COL19A1: variants seen among roughly 807,000 people sequenced by gnomAD.
COL19A1 encodes the protein collagen alpha-1(XIX) chain.
In COL19A1, 159 loss-of-function variants were observed where a neutral mutation model predicts 190.2. That is an observed-to-expected ratio of 0.84 (90% confidence interval 0.73 to 0.95). The LOEUF is 0.95. Among genes scored for constraint, COL19A1 ranks in the 40% least tolerant of loss-of-function variants. The pLI, the probability that COL19A1 is intolerant of heterozygous loss-of-function variation, is 0.00. For missense variants in COL19A1, 1,418 were observed against 1,431.9 expected (o/e 0.99, Z 0.16); for synonymous variants, 509 against 458.9 (o/e 1.11, Z -1.39).
At chr6:70,091,100 A>T (rs1562163314) in intron 15 of COL19A1, among the ~76,000 whole-genome samples, 1 of 152,082 alleles carries the variant, frequency 6.6e-6, no homozygotes, top group Non-Finnish European at 1.5e-5. Context: ...ATTTCCTATC[A>T]CTATCCAAAA....
intron 9 of COL19A1, among the ~76,000 whole-genome samples, chr6:69,954,517 C>T (rs575066458): frequency 2.0e-5 from 3 of 152,142 alleles, no homozygotes; most frequent in South Asian, 2.1e-4. Flanking sequence ...GAAAGTCCTT[C>T]GTACTTTCTA....
intron 34 of COL19A1, among the ~76,000 whole-genome samples, chr6:70,160,250 C>G (rs564637766): frequency 6.6e-6 from 1 of 152,016 alleles, no homozygotes; most frequent in Admixed American, 6.6e-5. Context: ...AGCACCTTTA[C>G]GAGGCAGCAG....
intron 19 of COL19A1, among the ~76,000 whole-genome samples, chr6:70,138,771 G>C (rs140857870): frequency 6.6e-6 from 1 of 152,110 alleles, no homozygotes; most frequent in Non-Finnish European, 1.5e-5. Flanking sequence ...TTCAGGAGTC[G>C]TGCTTGCCCT....
At chr6:70,103,623 A>G (rs912518608) in intron 16 of COL19A1, among the ~76,000 whole-genome samples, 13 of 152,138 alleles carry the variant, frequency 8.5e-5, no homozygotes, top group Admixed American at 6.6e-4. Context: ...CAAAAATGCC[A>G]TCACTTGCAA....
intron 2 of COL19A1, chr6:69,890,334 A>G (rs983854021): frequency 1.3e-5 from 2 of 152,110 alleles, no homozygotes; most frequent in East Asian, 1.9e-4. Context: ...CCTCTTTCCC[A>G]CTACAGATTA....
At chr6:69,875,241 T>G (rs1042288672) in intron 1 of COL19A1, among the ~76,000 whole-genome samples, 1 of 152,258 alleles carries the variant, frequency 6.6e-6, no homozygotes. Flanking sequence ...AGCCTGGCAA[T>G]TTCATCACTG....
At chr6:69,899,822 GTCA>G (rs1164297109) in intron 3 of COL19A1, among the ~76,000 whole-genome samples, 2 of 151,902 alleles carry the variant, frequency 1.3e-5, no homozygotes, top group African/African-American at 4.8e-5. Context: ...TGCATTTCCT[GTCA>G]TCAATACACA....
At chr6:69,879,164 C>A (rs1768333840) in intron 1 of COL19A1, among the ~76,000 whole-genome samples, 1 of 152,028 alleles carries the variant, frequency 6.6e-6, no homozygotes, top group Non-Finnish European at 1.5e-5. Flanking sequence ...TTCCACTGAA[C>A]TTTGTATTTA....
At chr6:70,051,720 C>A (rs774572152) in intron 14 of COL19A1, among the ~76,000 whole-genome samples, 13 of 150,914 alleles carry the variant, frequency 8.6e-5, no homozygotes, top group Non-Finnish European at 1.8e-4. Context: ...ATGGAAAGAC[C>A]CATTGTCTCT....
intron 48 of COL19A1, among the ~76,000 whole-genome samples, chr6:70,191,665 A>G (rs374091082): frequency 6.6e-6 from 1 of 152,194 alleles, no homozygotes; most frequent in East Asian, 1.9e-4. Context: ...CAAGGAATTG[A>G]CAGTATCACA....
chr6:69,975,484 A>G (rs1179502235), intron 11 of COL19A1, among the ~76,000 whole-genome samples: 2 of 152,220 alleles, frequency 1.3e-5, no homozygotes, highest in Non-Finnish European at 2.9e-5. Context: ...TAGGCCTAGA[A>G]TCACACATGT....
Position 70,110,996 on chromosome 6 carries a change from G to A in COL19A1, c.1278+8774G>A, listed in dbSNP as rs561867599. Among the ~76,000 whole-genome samples the A allele has an allele frequency of 6.6e-4, 100 of 152,160 alleles. No individual in the cohort carries two copies. In the South Asian group the frequency reaches 0.012, roughly 18 times the overall value. ...GGATTCAACATCATTTCTTTGTGTTGGGTAAACATTAAGATTTGAGAAGTC... is the reference window on the plus strand; with the variant it reads ...GGATTCAACATCATTTCTTTGTGTTAGGTAAACATTAAGATTTGAGAAGTC... On this transcript the variant is annotated intron_variant, in intron 16 of 50. Transcript: ENST00000620364.
intron 4 of COL19A1, among the ~76,000 whole-genome samples, chr6:69,922,519 C>T (rs1772053932): frequency 8.0e-6 from 1 of 125,748 alleles, no homozygotes; most frequent in Non-Finnish European, 1.6e-5. Flanking sequence ...CTTACTCTGT[C>T]ACCCAGGCTG....
intron 11 of COL19A1, among the ~76,000 whole-genome samples, chr6:70,017,065 T>C (rs1239027310): frequency 1.3e-5 from 2 of 152,094 alleles, no homozygotes; most frequent in Non-Finnish European, 2.9e-5. Flanking sequence ...TTATTGTTCA[T>C]GGCAGCATTA....
At chr6:69,913,808 G>A (rs1414079947) in intron 4 of COL19A1, among the ~76,000 whole-genome samples, 1 of 152,100 alleles carries the variant, frequency 6.6e-6, no homozygotes, top group Non-Finnish European at 1.5e-5. Context: ...AAAAACAGCT[G>A]AGCGCATATG....
chr6:70,052,489 C>T (rs150367557), intron 14 of COL19A1, among the ~76,000 whole-genome samples: 1 of 152,200 alleles, frequency 6.6e-6, no homozygotes, highest in Admixed American at 6.6e-5. Context: ...ACCGCTGACT[C>T]ATTCAGCTTA....
At chr6:69,888,608 A>G (rs1016083647) in intron 2 of COL19A1, among the ~76,000 whole-genome samples, 4 of 152,100 alleles carry the variant, frequency 2.6e-5, no homozygotes, top group Admixed American at 2.0e-4. Context: ...TCTGGCCAAC[A>G]TGGTGAAACC....
chr6:69,999,580 G>A (rs1403884993), intron 11 of COL19A1, among the ~76,000 whole-genome samples: 1 of 152,024 alleles, frequency 6.6e-6, no homozygotes, highest in East Asian at 2.0e-4. Flanking sequence ...TTTAGAAACA[G>A]GGTGTCATTA....
intron 7 of COL19A1, among the ~76,000 whole-genome samples, chr6:69,934,638 A>G (rs541305088): frequency 2.0e-3 from 304 of 152,096 alleles, no homozygotes; most frequent in Non-Finnish European, 3.8e-3. Context: ...TTTTTAAATC[A>G]TATTTTGAAA....
Sources: gnomAD v4.1 joint callset for allele counts (sites outside exome capture counted in the v4.1 genomes callset) on GRCh38, gnomAD v4.1.1 for gene constraint, MANE v1.5 for transcripts, NCBI Gene and HGNC (gene_info 2026-07-23, HGNC 2026-07-21) for gene names.